Variants in NKAIN2 observed in about 807,000 individuals in gnomAD.
NKAIN2 encodes sodium/potassium-transporting ATPase subunit beta-1-interacting protein 2.
NKAIN2 carries 14 observed loss-of-function variants against 32.6 expected under a neutral mutation model. The observed-to-expected ratio is 0.43, with a 90% confidence interval of 0.28 to 0.67. The LOEUF (loss-of-function observed/expected upper bound fraction) is 0.67, where lower values mean the gene tolerates loss of function less well. NKAIN2 is among the 30% of genes least tolerant of loss of function. The probability of loss-of-function intolerance (pLI) is 0.17; values close to 1 mark genes in which losing one functional copy is unlikely to be tolerated. For missense variants in NKAIN2, 198 were observed against 258.3 expected, an observed-to-expected ratio of 0.77 and a Z score of 1.60; for synonymous variants, 80 against 87.2, an observed-to-expected ratio of 0.92 and a Z score of 0.46.
chr6:124,205,367 A>AG (rs71021482), intron 1 of NKAIN2, among the ~76,000 whole-genome samples: 86,387 of 151,358 alleles, frequency 0.57, 27,109 homozygotes, highest in South Asian at 0.71. Flanking sequence ...GGTGCTAAAA[A>AG]AAAATCTCTT....
chr6:124,030,300 G>T (rs1475205757), intron 1 of NKAIN2, among the ~76,000 whole-genome samples: 1 of 152,102 alleles, frequency 6.6e-6, no homozygotes, highest in Non-Finnish European at 1.5e-5. Flanking sequence ...CACCCCCACT[G>T]ATCCATGGAA....
chr6:124,131,813 C>T (rs1786493460), intron 1 of NKAIN2, among the ~76,000 whole-genome samples: 2 of 152,076 alleles, frequency 1.3e-5, no homozygotes, highest in Non-Finnish European at 2.9e-5. Flanking sequence ...TTAGGGAGGG[C>T]TTGCAGGGTA....
intron 1 of NKAIN2, among the ~76,000 whole-genome samples, chr6:124,091,204 C>T (rs1371110053): frequency 1.3e-5 from 2 of 151,812 alleles, no homozygotes; most frequent in Non-Finnish European, 1.5e-5. Flanking sequence ...AGCTTTATGT[C>T]CCATAAACCA....
rs537878299 is a variant in NKAIN2, at chr6:123,808,312, T to A, written c.54+4058T>A. Reference sequence around the variant, plus strand: ...TGCCATTGATGATAAAATCTTGAAGTTGTTAACCAAACTTACTCATGAAGA... The same window carrying A: ...TGCCATTGATGATAAAATCTTGAAGATGTTAACCAAACTTACTCATGAAGA... On this transcript the variant is annotated intron_variant, in intron 1 of 6. Coordinates refer to ENST00000368417, the MANE Select transcript of NKAIN2 (RefSeq NM_001040214.3). Among the ~76,000 whole-genome samples the A allele has an allele frequency of 3.9e-5, 6 of 152,294 alleles. No homozygotes were observed. The South Asian group carries it at 1.2e-3, about 32-fold the overall frequency.
chr6:124,394,175 A>T (rs2114426942), intron 3 of NKAIN2, among the ~76,000 whole-genome samples: 1 of 152,178 alleles, frequency 6.6e-6, no homozygotes. Flanking sequence ...TTCATGAGTC[A>T]TTACTCTGCA....
chr6:123,815,689 C>T (rs1299591188), intron 1 of NKAIN2, among the ~76,000 whole-genome samples: 1 of 152,014 alleles, frequency 6.6e-6, no homozygotes, highest in Non-Finnish European at 1.5e-5. Context: ...TCATGAAGAG[C>T]TTCTGCTTAT....
intron 1 of NKAIN2, among the ~76,000 whole-genome samples, chr6:124,156,303 G>A (rs1486702836): frequency 6.6e-6 from 1 of 152,052 alleles, no homozygotes. Flanking sequence ...TTTAAAATTG[G>A]TTTCGATGAT....
rs796225080 is a variant in NKAIN2 at position 124,707,685 on chromosome 6, GTTGT to G, written c.474+49306_474+49309del. On this transcript the variant is annotated intron_variant, in intron 4 of 6. Transcript: ENST00000368417. ...TGTCCTTGGCCCACTTTTTGATGGG[GTTGT>G]TTGTTTTTTTCTTGTAAATTTGTTT... Among the ~76,000 whole-genome samples, 9 of 151,758 alleles carry G rather than the reference GTTGT, an allele frequency of 5.9e-5. No individual in the cohort carries two copies. The South Asian group carries it at 1.0e-3, about 18-fold the overall frequency.
chr6:124,466,654 T>TA (rs1293329708), intron 3 of NKAIN2, among the ~76,000 whole-genome samples: 2 of 150,164 alleles, frequency 1.3e-5, no homozygotes, highest in Non-Finnish European at 3.0e-5. Context: ...ATAAGACATG[T>TA]AAAAAAAGAC....
At chr6:124,253,422 T>C (rs1231259998) in intron 1 of NKAIN2, among the ~76,000 whole-genome samples, 1 of 152,190 alleles carries the variant, frequency 6.6e-6, no homozygotes, top group Non-Finnish European at 1.5e-5. Context: ...AGTGATGATG[T>C]TATTTATCTC....
chr6:124,788,699 C>T (rs1301829602), intron 4 of NKAIN2, among the ~76,000 whole-genome samples: 4 of 152,004 alleles, frequency 2.6e-5, no homozygotes, highest in Admixed American at 6.6e-5. Context: ...TACCTCCCAC[C>T]GGGTCCCTCC....
chr6:124,464,356 C>G (rs1776655699), intron 3 of NKAIN2, among the ~76,000 whole-genome samples: 1 of 151,544 alleles, frequency 6.6e-6, no homozygotes, highest in South Asian at 2.1e-4. Context: ...TATTACATGT[C>G]TATGATTGTG....
At chr6:124,489,400 G>T (rs1385057362) in intron 3 of NKAIN2, among the ~76,000 whole-genome samples, 1 of 151,828 alleles carries the variant, frequency 6.6e-6, no homozygotes. Context: ...TGCCTTCCTT[G>T]TCTAATTCAC....
At chr6:124,587,405 A>C (rs1781749977) in intron 3 of NKAIN2, among the ~76,000 whole-genome samples, 1 of 151,390 alleles carries the variant, frequency 6.6e-6, no homozygotes, top group African/African-American at 2.5e-5. Flanking sequence ...TTTTTAGTAG[A>C]GATGGGGTTT....
intron 1 of NKAIN2, among the ~76,000 whole-genome samples, chr6:124,130,333 A>G (rs897860913): frequency 4.6e-5 from 7 of 152,208 alleles, no homozygotes; most frequent in Non-Finnish European, 7.3e-5. Context: ...CAGTGGCCTT[A>G]TGATTACCTC....
chr6:123,959,543 T>G (rs1055971776), intron 1 of NKAIN2, among the ~76,000 whole-genome samples: 1 of 152,176 alleles, frequency 6.6e-6, no homozygotes, highest in Non-Finnish European at 1.5e-5. Flanking sequence ...CAGTTTCCAT[T>G]GTGATTGCCA....
At chr6:124,669,034 C>T (rs1357049170) in intron 4 of NKAIN2, among the ~76,000 whole-genome samples, 1 of 152,112 alleles carries the variant, frequency 6.6e-6, no homozygotes, top group African/African-American at 2.4e-5. Flanking sequence ...GGAAGACCCA[C>T]ATCCCGGCAG....
At chr6:124,152,150 A>C (rs1215351681) in intron 1 of NKAIN2, among the ~76,000 whole-genome samples, 1 of 151,992 alleles carries the variant, frequency 6.6e-6, no homozygotes, top group African/African-American at 2.4e-5. Flanking sequence ...GGTGTGAGAT[A>C]GGGTTTTGTA....
intron 1 of NKAIN2, among the ~76,000 whole-genome samples, chr6:124,133,505 C>T (rs901132806): frequency 2.0e-5 from 3 of 152,184 alleles, no homozygotes; most frequent in South Asian, 2.1e-4. Context: ...ATTACATCTA[C>T]CCACCTGCCT....
Sources: allele counts gnomAD v4.1 joint callset (sites outside exome capture counted in the v4.1 genomes callset), GRCh38; gene constraint gnomAD v4.1.1; transcripts MANE v1.5; gene names NCBI Gene and HGNC (gene_info 2026-07-23, HGNC 2026-07-21).